RIMS2: variants seen among roughly 807,000 people sequenced by gnomAD.
RIMS2 encodes regulating synaptic membrane exocytosis 2.
In RIMS2, 59 loss-of-function variants were observed where a neutral mutation model predicts 174.4. The observed-to-expected ratio is 0.34, with a 90% CI of 0.27 to 0.42. RIMS2 has a LOEUF of 0.42. RIMS2 is among the 10% of genes least tolerant of loss of function. The pLI, the probability that RIMS2 is intolerant of heterozygous loss-of-function variation, is 1.00. For synonymous variants in RIMS2, 606 were observed against 572.5 expected (o/e 1.06, Z -0.84); for missense variants, 1,620 against 1,666.3 (o/e 0.97, Z 0.48).
In RIMS2 at chr8:104,250,978, T is replaced by C. The variant is rs1224561853; in HGVS notation, c.3692-46T>C. The C allele has an allele frequency of 4.5e-6, 7 of 1,565,076 alleles. No individual in the cohort carries two copies. In the African/African-American group the frequency reaches 5.5e-5, roughly 12 times the overall value. The stretch of plus-strand genomic sequence containing the variant: ...ATGTCACCGTGCGTCGGCCATTTCA[T>C]GTCCATAGTTTATTGCTCATTCTCC... On this transcript the variant is annotated intron_variant, in intron 22 of 23. Coordinates refer to ENST00000504942, the Ensembl canonical transcript of RIMS2.
chr8:103,816,538 T>TAAGC (rs1564740123), intron 3 of RIMS2, among the ~76,000 whole-genome samples: 1 of 152,184 alleles, frequency 6.6e-6, no homozygotes. Flanking sequence ...TTGTGAAGAA[T>TAAGC]AAGCACAGGG....
intron 2 of RIMS2, among the ~76,000 whole-genome samples, chr8:103,765,479 T>C (rs992961256): frequency 2.6e-5 from 4 of 152,158 alleles, no homozygotes; most frequent in African/African-American, 9.7e-5. Context: ...GCTACTGAGG[T>C]GTACAATTAA....
chr8:103,970,230 G>T (rs538807396), intron 15 of RIMS2, among the ~76,000 whole-genome samples: 1 of 152,206 alleles, frequency 6.6e-6, no homozygotes, highest in East Asian at 1.9e-4. Flanking sequence ...AATTTCAAGT[G>T]GTTCTCATTT....
chr8:103,876,909 T>TACAC (rs1554922575), intron 3 of RIMS2, among the ~76,000 whole-genome samples: 8 of 66,128 alleles, frequency 1.2e-4, no homozygotes, highest in Admixed American at 3.1e-4. Flanking sequence ...TATATATATA[T>TACAC]ACACACACAC....
chr8:103,530,802 C>G (rs1275039394), intron 1 of RIMS2, among the ~76,000 whole-genome samples: 1 of 151,780 alleles, frequency 6.6e-6, no homozygotes, highest in African/African-American at 2.4e-5. Flanking sequence ...CAAAAACAGA[C>G]AAGACAGATC....
intron 1 of RIMS2, among the ~76,000 whole-genome samples, chr8:103,681,987 T>C (rs1352643128): frequency 1.3e-5 from 2 of 152,032 alleles, no homozygotes; most frequent in South Asian, 2.1e-4. Context: ...AGATAAATTA[T>C]GCATTTGAGG....
At chr8:103,761,280 A>G (rs919118764) in intron 2 of RIMS2, among the ~76,000 whole-genome samples, 2 of 152,250 alleles carry the variant, frequency 1.3e-5, no homozygotes, top group African/African-American at 4.8e-5. Context: ...TTCTTCACAT[A>G]CAAGATTGTG....
chr8:103,933,833 CTTT>C lies in RIMS2; in HGVS notation c.2375+2442_2375+2444del, dbSNP rs1397616075. Among the ~76,000 whole-genome samples, 3 of 152,070 alleles carry C rather than the reference CTTT, an allele frequency of 2.0e-5. No homozygotes were observed. In the East Asian group the frequency reaches 5.8e-4, roughly 29 times the overall value. On this transcript the variant is annotated intron_variant, in intron 12 of 23. Coordinates refer to ENST00000504942, the Ensembl canonical transcript of RIMS2. ...ACACATTAATAAAGGATTGTTTGTGCTTTTGTTATGAATTATTAATTTTTTTGA... is the reference window on the plus strand; with the variant it reads ...ACACATTAATAAAGGATTGTTTGTGCTGTTATGAATTATTAATTTTTTTGA...
chr8:104,229,979 T>C (rs2099215512), intron 19 of RIMS2, among the ~76,000 whole-genome samples: 1 of 152,182 alleles, frequency 6.6e-6, no homozygotes, highest in South Asian at 2.1e-4. Context: ...GAAGTACCAT[T>C]TTTTAAAATT....
intron 1 of RIMS2, among the ~76,000 whole-genome samples, chr8:103,647,573 G>A (rs925420368): frequency 6.6e-6 from 1 of 152,064 alleles, no homozygotes; most frequent in Non-Finnish European, 1.5e-5. Context: ...TGGGTTGGTA[G>A]GCTATCTATT....
At chr8:103,842,505 T>G (rs2098946130) in intron 3 of RIMS2, among the ~76,000 whole-genome samples, 1 of 152,152 alleles carries the variant, frequency 6.6e-6, no homozygotes. Flanking sequence ...TTATCAATTA[T>G]TACTGCTTCT....
chr8:103,885,822 G>A (rs376489252), exon 4 of RIMS2: 7 of 1,612,846 alleles, frequency 4.3e-6, no homozygotes, highest in African/African-American at 4.0e-5. Context: ...GAAAATCAGC[G>A]ATCTTATTCA....
intron 19 of RIMS2, among the ~76,000 whole-genome samples, chr8:104,092,242 TG>T (rs1481428388): frequency 1.3e-5 from 2 of 151,778 alleles, no homozygotes; most frequent in Admixed American, 6.6e-5. Context: ...TTGTCATTCG[TG>T]GGGGATTGTT....
intron 19 of RIMS2, among the ~76,000 whole-genome samples, chr8:104,107,311 T>C (rs1188779865): frequency 2.6e-5 from 4 of 152,170 alleles, no homozygotes; most frequent in Non-Finnish European, 5.9e-5. Flanking sequence ...CTTCACAGCT[T>C]ATATATAATG....
intron 2 of RIMS2, among the ~76,000 whole-genome samples, chr8:103,757,363 T>C (rs1271332120): frequency 1.3e-5 from 2 of 152,216 alleles, no homozygotes; most frequent in Non-Finnish European, 2.9e-5. Context: ...ATTAATTTGG[T>C]GAATTTGATT....
chr8:103,851,874 GAAAAATC>G (rs1373549969), intron 3 of RIMS2, among the ~76,000 whole-genome samples: 1 of 151,066 alleles, frequency 6.6e-6, no homozygotes, highest in Non-Finnish European at 1.5e-5. Flanking sequence ...TGCACTTTTA[GAAAAATC>G]ATTAATTGTA....
At position 103,684,959 on chromosome 8, in the gene RIMS2, C is replaced by G. The variant is rs181932420; in HGVS notation, c.177-12127C>G. ...GAAGTCTTTGTTTATCCCAAGGTCA[C>G]AAAGAATTTCTTGAATGTTTTCTTC... On this transcript the variant is annotated intron_variant, in intron 1 of 23. Transcript: ENST00000504942. Among the ~76,000 whole-genome samples the G allele has an allele frequency of 1.9e-3, 285 of 152,176 alleles. 1 individual carries two copies. Among genetic ancestry groups the G allele is most frequent in the African/African-American group, 6.7e-3 (277 of 41,526 alleles).
At chr8:103,876,909 TACACACACACCCCC>T (rs2099143354) in intron 3 of RIMS2, among the ~76,000 whole-genome samples, 61 of 66,002 alleles carry the variant, frequency 9.2e-4, no homozygotes, top group Non-Finnish European at 1.3e-3. Flanking sequence ...TATATATATA[TACACACACACCCCC>T]ATATACATAA....
rs1280191161 is a variant in RIMS2, at chr8:103,607,820, C to T, written c.177-89266C>T. On this transcript the variant is annotated intron_variant, in intron 1 of 23. Transcript: ENST00000504942. The stretch of plus-strand genomic sequence containing the variant: ...GCTCCTGAGGCTTCTGCATTCTTCA[C>T]GTAGTTCTCGAGCCTTGGTTTTCAG... 4.0e-4 allele frequency among the ~76,000 whole-genome samples: 54 copies of T among 133,484 alleles called. 1 individual carries two copies. The highest frequency in any genetic ancestry group is 1.6e-3 in the African/African-American group (53 of 33,244). 87.6% of individuals were successfully genotyped at this position (133,484 alleles called of 152,430 possible). A position where few individuals can be genotyped will look rare whatever the true frequency, so the allele number is the denominator to read the frequency against.
Sources: gnomAD v4.1 joint callset for allele counts (sites outside exome capture counted in the v4.1 genomes callset) on GRCh38, gnomAD v4.1.1 for gene constraint, MANE v1.5 for transcripts, NCBI Gene and HGNC (gene_info 2026-07-23, HGNC 2026-07-21) for gene names.